The following EML1 variants were observed in gnomAD, a reference collection of about 807,000 sequenced individuals.
The protein encoded by EML1 is EMAP like 1.
A neutral mutation model predicts 110.4 loss-of-function variants in EML1; 27 were observed. The ratio of observed to expected loss-of-function variants is 0.24; its 90% CI spans 0.18 to 0.34. EML1 has a LOEUF of 0.34. Ranked by LOEUF, EML1 falls within the 10% of genes least tolerant of loss-of-function variation. The pLI, the probability that EML1 is intolerant of heterozygous loss-of-function variation, is 1.00. For missense variants in EML1, 741 were observed against 1,030.9 expected (o/e 0.72, Z 3.85); for synonymous variants, 344 against 385.8 (o/e 0.89, Z 1.27).
intron 9 of EML1, among the ~76,000 whole-genome samples, chr14:99,904,666 C>T (rs8013762): frequency 6.6e-6 from 1 of 151,960 alleles, no homozygotes; most frequent in Non-Finnish European, 1.5e-5. Context: ...GGAATTGAAC[C>T]CTGATCCCAG....
chr14:99,767,421 G>A (rs1243701645), intron 1 of EML1, among the ~76,000 whole-genome samples: 3 of 152,224 alleles, frequency 2.0e-5, no homozygotes, highest in Non-Finnish European at 4.4e-5. Context: ...GGCCAACATG[G>A]TGAAGCCCCA....
At chr14:99,920,135 T>A (rs760001395) in intron 16 of EML1, among the ~76,000 whole-genome samples, 8 of 152,204 alleles carry the variant, frequency 5.3e-5, no homozygotes, top group Non-Finnish European at 1.0e-4. Flanking sequence ...CCATGTCCAT[T>A]ATCATTCGAC....
intron 1 of EML1, among the ~76,000 whole-genome samples, chr14:99,800,442 A>G (rs1434711686): frequency 6.6e-6 from 1 of 151,720 alleles, no homozygotes; most frequent in Non-Finnish European, 1.5e-5. Flanking sequence ...TGGCTCACTG[A>G]CCTCGAACCC....
chr14:99,898,290 G>A lies in EML1; in HGVS notation c.885G>A (p.Ser295=), dbSNP rs369951654. ...CAACAGGACAAGTTGCGGGCACATC[G>A]AAGGATGGAAAAGTGAGTTACGTTA... ...TIATGQVAGT[S]KDGKQLPPHV... Residue 295 remains serine (S), a synonymous_variant, in exon 8 of 22, where the codon TCG becomes TCA. Coordinates refer to ENST00000262233, the MANE Select transcript of EML1 (RefSeq NM_004434.3). 176 of 1,611,090 alleles carry A rather than the reference G, an allele frequency of 1.1e-4. No homozygotes were observed. The highest frequency in any genetic ancestry group is 2.1e-4 in the South Asian group (19 of 90,588).
At chr14:99,895,359 A>G (rs1431553642) in intron 6 of EML1, among the ~76,000 whole-genome samples, 1 of 152,154 alleles carries the variant, frequency 6.6e-6, no homozygotes, top group Non-Finnish European at 1.5e-5. Context: ...ATGAGCCACC[A>G]TGCCCAGCCA....
At chr14:99,907,467 C>T in intron 9 of EML1, 171 bp from the exon 10 acceptor site, 6 of 640,810 alleles carry the variant, frequency 9.4e-6, no homozygotes, top group Non-Finnish European at 1.3e-5. Flanking sequence ...AACCCTGTCT[C>T]CAGAAAAAGA....
rs2057581425 is a variant in EML1 at position 99,784,872 on chromosome 14, C to T, written c.-27+10859C>T. Among the ~76,000 whole-genome samples the T allele has an allele frequency of 6.6e-6, 1 of 152,168 alleles. No individual in the cohort carries two copies. Among genetic ancestry groups the T allele is most frequent in the Non-Finnish European group, 1.5e-5 (1 of 68,030 alleles). ...TCACAGACTGAGTGGAAAGACATTT[C>T]CAACAGCAGGAATCTCACAACCAAA... On this transcript the variant is annotated intron_variant, in intron 1 of 22. Transcript: ENST00000327921. The surrounding 1 kb of genome is among the most constrained non-coding windows in gnomAD (Gnocchi z 4.5).
chr14:99,835,150 A>G (rs762968703), intron 1 of EML1, among the ~76,000 whole-genome samples: 9 of 152,150 alleles, frequency 5.9e-5, no homozygotes, highest in Non-Finnish European at 1.3e-4. Context: ...TACAAATTCT[A>G]TTCTTTAATA....
At chr14:99,801,571 T>C (rs548764622) in intron 1 of EML1, among the ~76,000 whole-genome samples, 4 of 151,304 alleles carry the variant, frequency 2.6e-5, no homozygotes, top group African/African-American at 9.7e-5. Flanking sequence ...GCCAAGATCG[T>C]GCCACTGCAC....
intron 1 of EML1, among the ~76,000 whole-genome samples, chr14:99,760,627 C>T (rs1202870598): frequency 2.0e-5 from 3 of 152,140 alleles, no homozygotes; most frequent in Non-Finnish European, 4.4e-5. Context: ...TGTAAGCCTC[C>T]TTACAGCATG....
intron 2 of EML1, among the ~76,000 whole-genome samples, chr14:99,863,529 A>G (rs1184588068): frequency 6.6e-6 from 1 of 152,166 alleles, no homozygotes; most frequent in Non-Finnish European, 1.5e-5. Context: ...CTGCCCTGCA[A>G]CCTCTGACAG....
chr14:99,836,641 G>T (rs896556156), intron 1 of EML1, among the ~76,000 whole-genome samples: 2 of 152,108 alleles, frequency 1.3e-5, no homozygotes, highest in African/African-American at 4.8e-5. Flanking sequence ...TTGCTTGGTT[G>T]ATTCTTTTAT....
intron 1 of EML1, among the ~76,000 whole-genome samples, chr14:99,744,657 T>G (rs1388819619): frequency 6.6e-6 from 1 of 152,252 alleles, no homozygotes; most frequent in East Asian, 1.9e-4. Flanking sequence ...ATTTCCAATA[T>G]GCAAATCATA....
intron 1 of EML1, among the ~76,000 whole-genome samples, chr14:99,783,982 G>A (rs1264007374): frequency 6.6e-6 from 1 of 152,256 alleles, no homozygotes; most frequent in Non-Finnish European, 1.5e-5. Context: ...GTTGATTGGT[G>A]GAGATGCTAC....
At position 99,784,980 on chromosome 14, in the gene EML1, G is replaced by A. The variant is rs1019953705; in HGVS notation, c.-27+10967G>A. Among the ~76,000 whole-genome samples, 5 of 152,238 alleles carry A rather than the reference G, an allele frequency of 3.3e-5. No individual in the cohort carries two copies. The highest frequency in any genetic ancestry group is 5.9e-5 in the Non-Finnish European group (4 of 68,042). On this transcript the variant is annotated intron_variant, in intron 1 of 22. Coordinates refer to the EML1 transcript ENST00000327921. This position sits in a 1 kb window ranked among gnomAD's most constrained non-coding sequence, Gnocchi z 4.5. ...AGGGGCCAAAGAACTGGAAGAACTA[G>A]AGGAGCCATGAAGGACCCTGAAAGC...
At chr14:99,912,492 C>G (rs1426854073) in intron 13 of EML1, among the ~76,000 whole-genome samples, 1 of 152,190 alleles carries the variant, frequency 6.6e-6, no homozygotes, top group Non-Finnish European at 1.5e-5. Context: ...TGCTTTTCAT[C>G]CCTAGCTTAG....
At chr14:99,837,056 A>G (rs2058552694) in intron 1 of EML1, among the ~76,000 whole-genome samples, 1 of 147,164 alleles carries the variant, frequency 6.8e-6, no homozygotes, top group African/African-American at 2.5e-5. Flanking sequence ...GTAAATGCTG[A>G]TAAGTACTCA....
At chr14:99,743,864 A>C (rs1182150790) in intron 1 of EML1, among the ~76,000 whole-genome samples, 2 of 152,234 alleles carry the variant, frequency 1.3e-5, no homozygotes, top group East Asian at 1.9e-4. Context: ...ATAGCAAGAT[A>C]GATTTTATTT....
chr14:99,853,008 T>A (rs774932686), intron 2 of EML1, among the ~76,000 whole-genome samples: 1 of 152,220 alleles, frequency 6.6e-6, no homozygotes, highest in Non-Finnish European at 1.5e-5. Flanking sequence ...AGGGTACATT[T>A]GAAGGAGCTG....
Sources: allele counts gnomAD v4.1 joint callset (sites outside exome capture counted in the v4.1 genomes callset), GRCh38; gene constraint gnomAD v4.1.1; non-coding constraint Gnocchi (gnomAD v3.1); transcripts MANE v1.5; gene names NCBI Gene and HGNC (gene_info 2026-07-23, HGNC 2026-07-21).